MACROH2A1: variants seen among roughly 807,000 people sequenced by gnomAD.
MACROH2A1 encodes the protein core histone macro-H2A.1.
Under a neutral mutation model 31.6 loss-of-function variants are expected in MACROH2A1, and 2 were observed. The observed-to-expected ratio is 0.06, with a 90% CI of 0.03 to 0.20. The LOEUF is 0.20. Among genes scored for constraint, MACROH2A1 ranks in the 10% least tolerant of loss-of-function variants. The pLI is 1.00. For missense variants in MACROH2A1, 230 were observed against 474.0 expected, an observed-to-expected ratio of 0.49 and a Z score of 4.78; for synonymous variants, 169 against 189.6, an observed-to-expected ratio of 0.89 and a Z score of 0.89.
chr5:135,368,752 G>C (rs753953400), intron 4 of MACROH2A1, among the ~76,000 whole-genome samples: 12 of 152,188 alleles, frequency 7.9e-5, no homozygotes, highest in Non-Finnish European at 1.5e-4. Flanking sequence ...TCACAGGCCT[G>C]GACCTCCGGA....
chr5:135,382,979 A>G (rs1765857944), intron 2 of MACROH2A1, among the ~76,000 whole-genome samples: 1 of 152,208 alleles, frequency 6.6e-6, no homozygotes, highest in African/African-American at 2.4e-5. Flanking sequence ...GCTATGCTGC[A>G]CCTTCACGTC....
intron 4 of MACROH2A1, 45 bp from the exon 5 acceptor site, chr5:135,360,652 G>C: frequency 7.4e-7 from 1 of 1,347,794 alleles, no homozygotes; most frequent in Non-Finnish European, 1.1e-6. Flanking sequence ...ACAGACACAG[G>C]CATCCTAATA....
intron 8 of MACROH2A1, among the ~76,000 whole-genome samples, chr5:135,341,617 G>A (rs1110086): frequency 9.2e-5 from 14 of 152,216 alleles, no homozygotes; most frequent in Admixed American, 9.2e-4. Context: ...CTTTTACTAG[G>A]CAGAATGTCA....
chr5:135,345,995 T>C lies in MACROH2A1; in HGVS notation c.751A>G (p.Lys251Glu), dbSNP rs1302990874. Reference protein sequence around the residue: ...FVEAVLELRKKNGPLEVAGAA... With the variant: ...FVEAVLELRKENGPLEVAGAA... Reference sequence around the variant, plus strand: ...CCAGCTACTTCCAAGGGCCCGTTCTTTTTCCGGAGTTCCAGGACAGCTTCC... The same window carrying C: ...CCAGCTACTTCCAAGGGCCCGTTCTCTTTCCGGAGTTCCAGGACAGCTTCC... The change falls in exon 7 of 9, where the codon AAG (lysine) becomes GAG (glutamate). Residue 251 changes from lysine to glutamate, a missense_variant. Physicochemically the swap from Lys to Glu is moderately conservative, Grantham distance 56. Transcript: ENST00000511689. 6.2e-7 allele frequency: 1 copy of C among 1,613,830 alleles called. No individual in the cohort carries two copies. Among genetic ancestry groups the C allele is most frequent in the Non-Finnish European group, 8.5e-7 (1 of 1,179,724 alleles).
At chr5:135,374,064 T>A (rs1764535218) in intron 2 of MACROH2A1, among the ~76,000 whole-genome samples, 1 of 152,106 alleles carries the variant, frequency 6.6e-6, no homozygotes. Flanking sequence ...CCGGGGCATT[T>A]CACCATGGCC....
intron 5 of MACROH2A1, chr5:135,359,068 T>C: frequency 1.0e-6 from 1 of 985,462 alleles, no homozygotes; most frequent in Non-Finnish European, 1.2e-6. Context: ...CCATATTTGC[T>C]GCTACTTTGG....
intron 4 of MACROH2A1, chr5:135,361,523 A>C (rs959205797): frequency 2.0e-5 from 3 of 152,246 alleles, no homozygotes; most frequent in African/African-American, 7.2e-5. Context: ...TTCTGCATTC[A>C]AATAAATTGT....
At chr5:135,372,398 T>C (rs890627484) in intron 2 of MACROH2A1, among the ~76,000 whole-genome samples, 2 of 152,232 alleles carry the variant, frequency 1.3e-5, no homozygotes, top group African/African-American at 4.8e-5. Flanking sequence ...TCCACAACGC[T>C]ATTCCCTTCC....
At chr5:135,396,823 C>T (rs575519761) in intron 1 of MACROH2A1, among the ~76,000 whole-genome samples, 1 of 152,250 alleles carries the variant, frequency 6.6e-6, no homozygotes, top group Non-Finnish European at 1.5e-5. Flanking sequence ...TATGGAAAGA[C>T]TCTGAGACAC....
chr5:135,360,095 GC>G (rs1561606500), intron 5 of MACROH2A1: 1 of 267,316 alleles, frequency 3.7e-6, no homozygotes, highest in Admixed American at 5.1e-5. Flanking sequence ...TACCGTTAGT[GC>G]CCCCCAGGAC....
intron 7 of MACROH2A1, chr5:135,343,882 T>C (rs1455815715): frequency 1.0e-5 from 2 of 200,774 alleles, no homozygotes; most frequent in South Asian, 2.0e-4. Flanking sequence ...GTCTCTACTA[T>C]GATGTATTCT....
intron 6 of MACROH2A1, chr5:135,347,292 G>C (rs971893637): frequency 2.0e-5 from 3 of 152,208 alleles, no homozygotes; most frequent in Non-Finnish European, 2.9e-5. Context: ...TAAATAGCTT[G>C]GGCTTTGTCC....
chr5:135,350,688 G>C, intron 6 of MACROH2A1: 1 of 588,382 alleles, frequency 1.7e-6, no homozygotes, highest in Non-Finnish European at 3.1e-6. Flanking sequence ...CACAACCCAG[G>C]GACAGGAGAC....
Position 135,389,939 on chromosome 5 carries a change from C to A in MACROH2A1, c.-33-813G>T, listed in dbSNP as rs1766976730. Among the ~76,000 whole-genome samples the A allele has an allele frequency of 2.6e-5, 4 of 152,362 alleles. No homozygotes were observed. In the South Asian group the frequency reaches 8.3e-4, roughly 32 times the overall value. On this transcript the variant is annotated intron_variant, in intron 1 of 8. Transcript: ENST00000511689. ...CAATCTGGGTACACACCCACCTGAACATGCCCCGGCCCTGGCCTGAAAGCT... is the reference window on the plus strand; with the variant it reads ...CAATCTGGGTACACACCCACCTGAAAATGCCCCGGCCCTGGCCTGAAAGCT...
intron 8 of MACROH2A1, 25 bp from the exon 9 acceptor site, chr5:135,335,166 A>C (rs778001093): frequency 1.2e-6 from 2 of 1,601,534 alleles, no homozygotes; most frequent in South Asian, 1.1e-5. Flanking sequence ...ATAAGCACTC[A>C]GCAACTGGGA....
Position 135,335,224 on chromosome 5 carries a change from C to A in MACROH2A1, c.954-83G>T, listed in dbSNP as rs912290972. Reference sequence around the variant, plus strand: ...GCCCCACCTTACAGGCCACCTCCCTCTGTGCTGCAGCTTGCCTTGTGTTGG... The same window carrying A: ...GCCCCACCTTACAGGCCACCTCCCTATGTGCTGCAGCTTGCCTTGTGTTGG... On this transcript the variant is annotated intron_variant, in intron 8 of 8. Transcript: ENST00000511689. 4.8e-5 allele frequency: 48 copies of A among 1,009,076 alleles called. No homozygotes were observed. In the African/African-American group the frequency reaches 5.5e-4, roughly 12 times the overall value. 62.5% of individuals were successfully genotyped at this position (1,009,076 alleles called of 1,614,324 possible). A position where few individuals can be genotyped will look rare whatever the true frequency, so the allele number is the denominator to read the frequency against.
At chr5:135,395,417 G>A (rs893138144) in intron 1 of MACROH2A1, among the ~76,000 whole-genome samples, 1 of 152,210 alleles carries the variant, frequency 6.6e-6, no homozygotes, top group Non-Finnish European at 1.5e-5. Flanking sequence ...TGAGGATAGA[G>A]GAGTCTGAGC....
chr5:135,350,014 C>T (rs530772065), intron 6 of MACROH2A1, among the ~76,000 whole-genome samples: 1 of 152,178 alleles, frequency 6.6e-6, no homozygotes, highest in African/African-American at 2.4e-5. Context: ...TTCTATCACA[C>T]ATGGGTGCCT....
chr5:135,349,158 G>T (rs1417421466), intron 6 of MACROH2A1, among the ~76,000 whole-genome samples: 1 of 152,148 alleles, frequency 6.6e-6, no homozygotes, highest in African/African-American at 2.4e-5. Context: ...CCCTGGACCT[G>T]GGTAAGATAC....
Sources: allele counts gnomAD v4.1 joint callset (sites outside exome capture counted in the v4.1 genomes callset), GRCh38; gene constraint gnomAD v4.1.1; transcripts MANE v1.5; gene names NCBI Gene and HGNC (gene_info 2026-07-23, HGNC 2026-07-21).